Variants in SYTL2 observed in about 807,000 individuals in gnomAD.
SYTL2 encodes the protein synaptotagmin-like protein 2.
A neutral mutation model predicts 198.7 loss-of-function variants in SYTL2; 165 were observed. That is an observed-to-expected ratio of 0.83 (90% CI 0.73 to 0.94). The LOEUF is 0.94. Ranked by LOEUF, SYTL2 falls within the 40% of genes least tolerant of loss-of-function variation. SYTL2 has a pLI of 0.00. For missense variants in SYTL2, 2,835 were observed against 2,582.8 expected, an observed-to-expected ratio of 1.10 and a Z score of -2.12; for synonymous variants, 966 against 917.7, an observed-to-expected ratio of 1.05 and a Z score of -0.95.
Position 85,757,729 on chromosome 11 carries a change from G to A in SYTL2, c.-4C>T, listed in dbSNP as rs776778453. ...TCAGGAAGCTTAAGTCAATCATTTT[G>A]AAAAGTGCATGCAAAAATAATAGCA... is the stretch of plus-strand genomic sequence containing the variant. On this transcript the variant is annotated 5_prime_UTR_variant, in exon 2 of 20. Coordinates refer to ENST00000359152, the MANE Select transcript of SYTL2 (RefSeq NM_206927.4). 1 of 1,611,544 alleles carries A rather than the reference G, an allele frequency of 6.2e-7. No homozygotes were observed. Among genetic ancestry groups the A allele is most frequent in the Non-Finnish European group, 8.5e-7 (1 of 1,179,896 alleles).
At chr11:85,719,307 C>G in intron 9 of SYTL2, 1 of 1,154,780 alleles carries the variant, frequency 8.7e-7, no homozygotes, top group Non-Finnish European at 1.1e-6. Flanking sequence ...TAACTGGGGA[C>G]CAGCTGCTAA....
the SYTL2 span, among the ~76,000 whole-genome samples, chr11:85,841,020 C>A: frequency 6.6e-6 from 1 of 151,988 alleles, no homozygotes. Context: ...AGAAAGTGGG[C>A]AAATGATATG....
chr11:85,714,953 T>C (rs1187880886), intron 11 of SYTL2: 1 of 154,844 alleles, frequency 6.5e-6, no homozygotes, highest in Non-Finnish European at 1.4e-5. Context: ...AACTCAATAA[T>C]AAAACTGTTC....
chr11:85,746,064 T>A (rs905161145), intron 3 of SYTL2, among the ~76,000 whole-genome samples: 1 of 152,148 alleles, frequency 6.6e-6, no homozygotes, highest in African/African-American at 2.4e-5. Flanking sequence ...TCTAGGTTAA[T>A]CTGAACTGAG....
chr11:85,789,378 GTATATA>G (rs71036488), intron 1 of SYTL2, among the ~76,000 whole-genome samples: 5 of 23,120 alleles, frequency 2.2e-4, no homozygotes, highest in East Asian at 1.3e-3. Flanking sequence ...ATATATATAT[GTATATA>G]TATATATATA....
chr11:85,801,643 T>C (rs1019026448), intron 1 of SYTL2, among the ~76,000 whole-genome samples: 1 of 152,156 alleles, frequency 6.6e-6, no homozygotes, highest in South Asian at 2.1e-4. Flanking sequence ...TAAAGAGAAA[T>C]TTCATTATCT....
At chr11:85,723,372 A>T (rs1435611713) in intron 8 of SYTL2, among the ~76,000 whole-genome samples, 1 of 152,216 alleles carries the variant, frequency 6.6e-6, no homozygotes. Context: ...TGTGCATATA[A>T]TTGAAAATGA....
At chr11:85,747,452 C>T (rs562538841) in intron 3 of SYTL2, among the ~76,000 whole-genome samples, 3 of 152,250 alleles carry the variant, frequency 2.0e-5, no homozygotes, top group East Asian at 1.9e-4. Context: ...GTATAAATCC[C>T]ATCAATTCAG....
the SYTL2 span, among the ~76,000 whole-genome samples, chr11:85,828,205 AG>A: frequency 2.0e-5 from 3 of 152,220 alleles, no homozygotes; most frequent in African/African-American, 7.2e-5. Flanking sequence ...CACTCCCAGA[AG>A]ACTTATCTGG....
At chr11:85,786,237 G>C (rs548194662) in intron 1 of SYTL2, among the ~76,000 whole-genome samples, 1 of 152,280 alleles carries the variant, frequency 6.6e-6, no homozygotes, top group South Asian at 2.1e-4. Context: ...TGGTTGATAG[G>C]GGTTAGGGAT....
the SYTL2 span, among the ~76,000 whole-genome samples, chr11:85,832,995 C>CA: frequency 6.4e-5 from 4 of 62,292 alleles, no homozygotes; most frequent in South Asian, 4.7e-4. Flanking sequence ...GACCCTGTCT[C>CA]AAAAAAAAAA....
chr11:85,717,673 T>C, intron 10 of SYTL2, 143 bp from the exon 11 acceptor site: 1 of 726,608 alleles, frequency 1.4e-6, no homozygotes, highest in Non-Finnish European at 2.5e-6. Flanking sequence ...CATCCATTCC[T>C]CACTGTGACT....
At chr11:85,816,442 A>G in the SYTL2 span, among the ~76,000 whole-genome samples, 6 of 152,254 alleles carry the variant, frequency 3.9e-5, no homozygotes, top group Non-Finnish European at 8.8e-5. Flanking sequence ...AAAAGCAAAG[A>G]GACAGAAAGT....
intron 11 of SYTL2, 146 bp downstream of exon 11, chr11:85,717,337 C>T: frequency 1.6e-6 from 1 of 640,706 alleles, no homozygotes; most frequent in Non-Finnish European, 2.7e-6. Context: ...TCAATAAAAC[C>T]CTTATCGTAA....
At position 85,718,823 on chromosome 11, in the gene SYTL2, G is replaced by C. The variant is rs1347435389; in HGVS notation, c.5449C>G (p.Gln1817Glu). 15 of 1,613,684 alleles carry C rather than the reference G, an allele frequency of 9.3e-6. No homozygotes were observed. The highest frequency in any genetic ancestry group is 1.1e-5 in the Non-Finnish European group (13 of 1,179,752). ...GCACTACGCACTAATTCTTCTGGCT[G>C]ATTATCTACTTTTGCTTGATCTGTT... ...DSSNQAKVDN[Q>E]PEELVRSAED... The change falls in exon 10 of 20, where the codon CAG becomes GAG. Residue 1817 changes from glutamine to glutamate, a missense_variant. By Grantham distance (29) the Gln-to-Glu change is conservative. Transcript: ENST00000359152.
At chr11:85,833,032 AAAGAAAG>A in the SYTL2 span, among the ~76,000 whole-genome samples, 277 of 20,584 alleles carry the variant, frequency 0.013, 30 homozygotes, top group Middle Eastern at 0.025. Context: ...AGAAAGAAAG[AAAGAAAG>A]AAAGAAAGAA....
At chr11:85,758,211 G>T (rs2091969430) in intron 1 of SYTL2, 97 bp from the exon 2 acceptor site, 2 of 153,020 alleles carry the variant, frequency 1.3e-5, no homozygotes, top group Admixed American at 1.3e-4. Context: ...ATGCGAGATG[G>T]TCTCTGAGAT....
chr11:85,745,524 C>T (rs1428253537), intron 4 of SYTL2, 113 bp downstream of exon 4: 19 of 1,215,436 alleles, frequency 1.6e-5, no homozygotes, highest in South Asian at 3.2e-5. Flanking sequence ...GCCCCTTCCC[C>T]ATGCCCATGA....
intron 15 of SYTL2, among the ~76,000 whole-genome samples, chr11:85,705,681 T>C (rs941944246): frequency 6.6e-6 from 1 of 152,220 alleles, no homozygotes; most frequent in African/African-American, 2.4e-5. Flanking sequence ...GAAAGGACAA[T>C]AGTACTTCTA....
Sources: allele counts gnomAD v4.1 joint callset (sites outside exome capture counted in the v4.1 genomes callset), GRCh38; gene constraint gnomAD v4.1.1; transcripts MANE v1.5; gene names NCBI Gene and HGNC (gene_info 2026-07-23, HGNC 2026-07-21).